IQUB: variants seen among roughly 807,000 people sequenced by gnomAD.
The protein encoded by IQUB is IQ motif and ubiquitin-like domain-containing protein.
A neutral mutation model predicts 86.4 loss-of-function variants in IQUB; 86 were observed. That is an observed-to-expected ratio of 1.00 (90% CI 0.84 to 1.19). IQUB has a LOEUF of 1.19. Ranked by LOEUF, IQUB falls within the 50% of genes most tolerant of loss-of-function variation. IQUB has a pLI of 0.00. For synonymous variants in IQUB, 289 were observed against 304.5 expected (o/e 0.95, Z 0.53); for missense variants, 946 against 916.9 (o/e 1.03, Z -0.41).
intron 7 of IQUB, among the ~76,000 whole-genome samples, chr7:123,484,306 G>A (rs1362156084): frequency 6.6e-6 from 1 of 152,028 alleles, no homozygotes; most frequent in Non-Finnish European, 1.5e-5. Flanking sequence ...TGTTATTTAA[G>A]AGCTGATAAC....
intron 1 of IQUB, among the ~76,000 whole-genome samples, chr7:123,516,560 G>A (rs1796645105): frequency 6.6e-6 from 1 of 152,064 alleles, no homozygotes; most frequent in South Asian, 2.1e-4. Flanking sequence ...TTTATTAAGT[G>A]AGAAAAAGAA....
intron 3 of IQUB, among the ~76,000 whole-genome samples, chr7:123,504,376 G>T (rs1162823450): frequency 6.6e-6 from 1 of 152,058 alleles, no homozygotes; most frequent in East Asian, 1.9e-4. Flanking sequence ...CTTAAACCCG[G>T]GAGGAAGAGG....
chr7:123,517,683 G>A (rs145335650), intron 1 of IQUB, among the ~76,000 whole-genome samples: 2 of 152,168 alleles, frequency 1.3e-5, no homozygotes, highest in African/African-American at 4.8e-5. Flanking sequence ...TGTCTTCCAT[G>A]AGGAATCAGA....
chr7:123,457,691 G>T, intron 11 of IQUB, 125 bp from the exon 12 acceptor site: 1 of 716,486 alleles, frequency 1.4e-6, no homozygotes, highest in Non-Finnish European at 2.3e-6. Context: ...AGGTTTCAAT[G>T]ACACATAGCC....
rs1397408651 is a variant in IQUB, at chr7:123,452,490, T to G, written c.*253A>C. 2 of 279,864 alleles carry G rather than the reference T, an allele frequency of 7.1e-6. No homozygotes were observed. The highest frequency in any genetic ancestry group is 1.3e-5 in the Non-Finnish European group (2 of 152,598). 17.3% of individuals were successfully genotyped at this position (279,864 alleles called of 1,614,324 possible). A position where few individuals can be genotyped will look rare whatever the true frequency, so the allele number is the denominator to read the frequency against. ...TTAAAAAATTTAATGTGAAAACACA[T>G]TTTAAAATGTTTTCTTTACCCCAAA... On this transcript the variant is annotated 3_prime_UTR_variant, in exon 13 of 13. Transcript: ENST00000324698.
At chr7:123,472,566 A>G (rs1794577724) in intron 8 of IQUB, among the ~76,000 whole-genome samples, 1 of 152,222 alleles carries the variant, frequency 6.6e-6, no homozygotes, top group Non-Finnish European at 1.5e-5. Flanking sequence ...GAAAGTATCT[A>G]AGATGAAATC....
At chr7:123,487,489 TC>T (rs1795260236) in intron 7 of IQUB, among the ~76,000 whole-genome samples, 1 of 152,222 alleles carries the variant, frequency 6.6e-6, no homozygotes, top group Admixed American at 6.5e-5. Flanking sequence ...CCACCATTAA[TC>T]AAGACATTAT....
chr7:123,525,605 C>A (rs200281599), intron 1 of IQUB, among the ~76,000 whole-genome samples: 18 of 151,706 alleles, frequency 1.2e-4, no homozygotes, highest in African/African-American at 1.9e-4. Flanking sequence ...TTTCTTTATT[C>A]GTCTTGCTAG....
chr7:123,529,893 C>A (rs1457394627), intron 1 of IQUB, among the ~76,000 whole-genome samples: 2 of 151,760 alleles, frequency 1.3e-5, no homozygotes, highest in South Asian at 4.2e-4. Context: ...ATTAGCTGGG[C>A]GTGGTGGCAT....
chr7:123,503,471 C>T, intron 3 of IQUB, 108 bp from the exon 4 acceptor site: 1 of 658,430 alleles, frequency 1.5e-6, no homozygotes, highest in Non-Finnish European at 2.6e-6. Context: ...ATATTGTGTA[C>T]AGCATGCTTT....
intron 1 of IQUB, among the ~76,000 whole-genome samples, chr7:123,532,136 C>T (rs1797562325): frequency 6.6e-6 from 1 of 152,152 alleles, no homozygotes; most frequent in African/African-American, 2.4e-5. Context: ...GATTTGAACC[C>T]AGGAATTCTG....
chr7:123,462,112 T>G (rs981829699), intron 10 of IQUB, among the ~76,000 whole-genome samples: 1 of 151,810 alleles, frequency 6.6e-6, no homozygotes, highest in African/African-American at 2.4e-5. Flanking sequence ...CAGAAAGTAA[T>G]TCTACCATAA....
intron 1 of IQUB, among the ~76,000 whole-genome samples, chr7:123,513,718 G>A (rs1377344570): frequency 1.3e-5 from 2 of 151,988 alleles, no homozygotes; most frequent in African/African-American, 4.8e-5. Flanking sequence ...GTCCAATCTC[G>A]GCTCACTGCA....
intron 7 of IQUB, among the ~76,000 whole-genome samples, chr7:123,492,950 C>G (rs1795536405): frequency 6.6e-6 from 1 of 152,150 alleles, no homozygotes; most frequent in Admixed American, 6.5e-5. Context: ...CTCAAATTGC[C>G]CTGTTGCAGG....
chr7:123,465,058 G>A, intron 9 of IQUB, 49 bp from the exon 10 acceptor site: 1 of 1,251,266 alleles, frequency 8.0e-7, no homozygotes, highest in South Asian at 1.3e-5. Flanking sequence ...AAATCACTAA[G>A]TTCACTTTCA....
chr7:123,533,300 G>A (rs1562884460), intron 1 of IQUB, among the ~76,000 whole-genome samples: 1 of 152,204 alleles, frequency 6.6e-6, no homozygotes, highest in Non-Finnish European at 1.5e-5. Context: ...GAATGGACAA[G>A]TCAAAGGGCA....
At chr7:123,460,991 T>G (rs1346203619) in intron 11 of IQUB, among the ~76,000 whole-genome samples, 1 of 151,772 alleles carries the variant, frequency 6.6e-6, no homozygotes, top group Admixed American at 6.6e-5. Context: ...TTTTTTTACT[T>G]TCTATAAGCC....
At chr7:123,458,152 G>A (rs986363086) in intron 11 of IQUB, 35 of 151,992 alleles carry the variant, frequency 2.3e-4, no homozygotes, top group African/African-American at 8.2e-4. Flanking sequence ...AAAAGACTTG[G>A]TTGTTTTAAT....
At chr7:123,524,339 T>C (rs1021569733) in intron 1 of IQUB, among the ~76,000 whole-genome samples, 9 of 147,388 alleles carry the variant, frequency 6.1e-5, no homozygotes, top group African/African-American at 2.2e-4. Flanking sequence ...CCCATGAGCA[T>C]GGAATGTTCT....
Sources: gnomAD v4.1 joint callset for allele counts (sites outside exome capture counted in the v4.1 genomes callset) on GRCh38, gnomAD v4.1.1 for gene constraint, MANE v1.5 for transcripts, NCBI Gene and HGNC (gene_info 2026-07-23, HGNC 2026-07-21) for gene names.